The following KIRREL3 variants were observed in gnomAD, a reference collection of about 807,000 sequenced individuals.
The protein encoded by KIRREL3 is kin of IRRE-like protein 3.
Under a neutral mutation model 89.7 loss-of-function variants are expected in KIRREL3, and 36 were observed. The ratio of observed to expected loss-of-function variants is 0.40; its 90% confidence interval spans 0.31 to 0.53. The LOEUF (loss-of-function observed/expected upper bound fraction) is 0.53. Ranked by LOEUF, KIRREL3 falls within the 20% of genes least tolerant of loss-of-function variation. KIRREL3 has a pLI of 0.49. For missense variants in KIRREL3, 864 were observed against 1,056.6 expected, an observed-to-expected ratio of 0.82 and a Z score of 2.53; for synonymous variants, 445 against 441.4, an observed-to-expected ratio of 1.01 and a Z score of -0.10.
chr11:126,914,471 T>A (rs1056562356), intron 1 of KIRREL3, among the ~76,000 whole-genome samples: 2 of 152,204 alleles, frequency 1.3e-5, no homozygotes, highest in African/African-American at 4.8e-5. Context: ...CCATACAGAT[T>A]GTGAGGACAC....
rs1485189774 is a variant in KIRREL3, at chr11:126,999,928, A to G, written c.55+527T>C. ...TTTACAAGCTTTTCCCAACCACTGC[A>G]AATTACCCCCCACAATACATTCTGT... On this transcript the variant is annotated intron_variant, in intron 1 of 16. Coordinates refer to ENST00000525144, the MANE Select transcript of KIRREL3 (RefSeq NM_032531.4). The surrounding 1 kb of genome is among the most constrained non-coding windows in gnomAD (Gnocchi z 5.7). Among the ~76,000 whole-genome samples the G allele has an allele frequency of 6.6e-6, 1 of 152,196 alleles. No individual in the cohort carries two copies. The highest frequency in any genetic ancestry group is 2.4e-5 in the African/African-American group (1 of 41,444).
rs769491464 is a variant in KIRREL3 at position 126,562,679 on chromosome 11, T to C, written c.133+156A>G. Reference sequence around the variant, plus strand: ...GCATTCACTATGCTTCCCCATGTGATTGTACAAATGGCTTCATGGAAACCA... The same window carrying C: ...GCATTCACTATGCTTCCCCATGTGACTGTACAAATGGCTTCATGGAAACCA... On this transcript the variant is annotated intron_variant, in intron 2 of 16. Coordinates refer to ENST00000525144, the MANE Select transcript of KIRREL3 (RefSeq NM_032531.4). The surrounding 1 kb of genome is among the most constrained non-coding windows in gnomAD (Gnocchi z 4.7). Among the ~76,000 whole-genome samples the C allele has an allele frequency of 1.3e-5, 2 of 152,156 alleles. No homozygotes were observed. The highest frequency in any genetic ancestry group is 2.9e-5 in the Non-Finnish European group (2 of 68,024).
intron 1 of KIRREL3, among the ~76,000 whole-genome samples, chr11:126,939,261 A>G (rs1481040500): frequency 2.0e-5 from 3 of 152,220 alleles, no homozygotes; most frequent in African/African-American, 2.4e-5. Flanking sequence ...GGGCAACATC[A>G]TCTATCTCCA....
rs1944440538 is a variant in KIRREL3, at chr11:126,640,859, T to C, written c.56-77947A>G. On this transcript the variant is annotated intron_variant, in intron 1 of 16. Coordinates refer to ENST00000525144, the MANE Select transcript of KIRREL3 (RefSeq NM_032531.4). The surrounding 1 kb of genome is among the most constrained non-coding windows in gnomAD (Gnocchi z 4.9). Reference sequence around the variant, plus strand: ...CATCTCCTCCCCTTGACCTTCATATTGGAGTCCTTGGATCTCTTCTCAATC... The same window carrying C: ...CATCTCCTCCCCTTGACCTTCATATCGGAGTCCTTGGATCTCTTCTCAATC... Among the ~76,000 whole-genome samples the C allele has an allele frequency of 6.6e-6, 1 of 152,172 alleles. No individual in the cohort carries two copies. Among genetic ancestry groups the C allele is most frequent in the Admixed American group, 6.5e-5 (1 of 15,272 alleles).
intron 1 of KIRREL3, among the ~76,000 whole-genome samples, chr11:126,885,329 T>G (rs2134735669): frequency 6.6e-6 from 1 of 152,322 alleles, no homozygotes; most frequent in South Asian, 2.1e-4. Context: ...GTGTCCATGT[T>G]GGCTTCATGA....
chr11:126,714,864 G>C (rs2134155253), intron 1 of KIRREL3, among the ~76,000 whole-genome samples: 1 of 152,266 alleles, frequency 6.6e-6, no homozygotes, highest in South Asian at 2.1e-4. Flanking sequence ...CCTGAGGTGG[G>C]GGCTTATGTA....
intron 1 of KIRREL3, among the ~76,000 whole-genome samples, chr11:126,849,943 A>G (rs957258391): frequency 1.2e-5 from 1 of 84,570 alleles, no homozygotes; most frequent in Non-Finnish European, 2.4e-5. Flanking sequence ...GACAACTCCC[A>G]AAATGGTATG....
chr11:126,702,449 C>G (rs1947348803), intron 1 of KIRREL3, among the ~76,000 whole-genome samples: 1 of 152,170 alleles, frequency 6.6e-6, no homozygotes, highest in Admixed American at 6.5e-5. Context: ...ATTACTCAAA[C>G]CCCAGATGCT....
Position 126,995,498 on chromosome 11 carries a change from A to G in KIRREL3, c.55+4957T>C, listed in dbSNP as rs1408078915. On this transcript the variant is annotated intron_variant, in intron 1 of 16. Transcript: ENST00000525144. This position sits in a 1 kb window ranked among gnomAD's most constrained non-coding sequence, Gnocchi z 6.5. ...ATCTCGACAATTTACAAGGATAAGG[A>G]TTGTAGCTGCAAAATAATGCCTATG... The G allele has an allele frequency of 2.7e-6, 1 of 364,930 alleles. No individual in the cohort carries two copies. The highest frequency in any genetic ancestry group is 5.4e-6 in the Non-Finnish European group (1 of 186,096). 22.6% of individuals were successfully genotyped at this position (364,930 alleles called of 1,614,324 possible). A position where few individuals can be genotyped will look rare whatever the true frequency, so the allele number is the denominator to read the frequency against.
In KIRREL3 at chr11:126,768,906, G is replaced by A. The variant is rs1344132740; in HGVS notation, c.56-205994C>T. Among the ~76,000 whole-genome samples the A allele has an allele frequency of 1.3e-5, 2 of 152,208 alleles. No homozygotes were observed. The highest frequency in any genetic ancestry group is 2.9e-5 in the Non-Finnish European group (2 of 68,034). Reference sequence around the variant, plus strand: ...GAAGGCGATGTTGCTTCCCACATGCGTGGGAGCCGGTGAAGTGTTGTAAGC... The same window carrying A: ...GAAGGCGATGTTGCTTCCCACATGCATGGGAGCCGGTGAAGTGTTGTAAGC... On this transcript the variant is annotated intron_variant, in intron 1 of 16. Coordinates refer to ENST00000525144, the MANE Select transcript of KIRREL3 (RefSeq NM_032531.4). The surrounding 1 kb of genome is among the most constrained non-coding windows in gnomAD (Gnocchi z 4.5).
intron 1 of KIRREL3, among the ~76,000 whole-genome samples, chr11:126,745,605 G>A (rs563262263): frequency 6.6e-6 from 1 of 152,232 alleles, no homozygotes; most frequent in South Asian, 2.1e-4. Context: ...TAAATTTGAA[G>A]ATACTGGCAT....
intron 1 of KIRREL3, chr11:126,681,776 G>A: frequency 2.5e-6 from 1 of 401,862 alleles, no homozygotes; most frequent in South Asian, 1.8e-5. Flanking sequence ...ATTCTCTTCT[G>A]TTTCAGGGTT....
chr11:126,507,474 T>G (rs948281808), intron 4 of KIRREL3, among the ~76,000 whole-genome samples: 1 of 152,188 alleles, frequency 6.6e-6, no homozygotes, highest in African/African-American at 2.4e-5. Context: ...TCTGCTCTAC[T>G]TTTTTTGAAT....
rs1452582786 is a variant in KIRREL3 at position 126,513,808 on chromosome 11, C to A, written c.433+7507G>T. ...AATGGCTGCAAGACCTCCAGGGAGA[C>A]CTTCTATCTCATCTGGCCCCCAACA... On this transcript the variant is annotated intron_variant, in intron 4 of 16. Transcript: ENST00000525144. The surrounding 1 kb of genome is among the most constrained non-coding windows in gnomAD (Gnocchi z 5.9). Among the ~76,000 whole-genome samples the A allele has an allele frequency of 1.3e-5, 2 of 152,156 alleles. No homozygotes were observed. Among genetic ancestry groups the A allele is most frequent in the African/African-American group, 2.4e-5 (1 of 41,432 alleles).
At chr11:126,786,066 A>G (rs929707609) in intron 1 of KIRREL3, among the ~76,000 whole-genome samples, 4 of 152,138 alleles carry the variant, frequency 2.6e-5, no homozygotes, top group African/African-American at 9.7e-5. Flanking sequence ...CTGTGAGGGT[A>G]ATAGCAAAAA....
intron 1 of KIRREL3, among the ~76,000 whole-genome samples, chr11:126,914,167 A>T (rs541746912): frequency 6.6e-6 from 1 of 152,344 alleles, no homozygotes; most frequent in Non-Finnish European, 1.5e-5. Context: ...AATGTCTCGG[A>T]TAGGTGCTAT....
chr11:126,845,960 A>C (rs1478010173), intron 1 of KIRREL3, among the ~76,000 whole-genome samples: 2 of 152,182 alleles, frequency 1.3e-5, no homozygotes, highest in Admixed American at 6.5e-5. Flanking sequence ...ACACAAAAAA[A>C]ACACAAAAAA....
Position 126,463,423 on chromosome 11 carries a change from G to T in KIRREL3, c.592-116C>A. 1 of 1,094,054 alleles carries T rather than the reference G, an allele frequency of 9.1e-7. No individual in the cohort carries two copies. Among genetic ancestry groups the T allele is most frequent in the Non-Finnish European group, 1.3e-6 (1 of 767,670 alleles). The allele number at this position is 1,094,054 out of a possible 1,614,324, so 67.8% of individuals were successfully genotyped here. A position where few individuals can be genotyped will look rare whatever the true frequency, so the allele number is the denominator to read the frequency against. ...CAGAAGGGGGAGCTGTGGATGGAGGGGTTCAGCTTAGGAGACCTGGGCTGC... is the reference window on the plus strand; with the variant it reads ...CAGAAGGGGGAGCTGTGGATGGAGGTGTTCAGCTTAGGAGACCTGGGCTGC... On this transcript the variant is annotated intron_variant, in intron 5 of 16. Transcript: ENST00000525144. This position sits in a 1 kb window ranked among gnomAD's most constrained non-coding sequence, Gnocchi z 5.9.
intron 8 of KIRREL3, among the ~76,000 whole-genome samples, chr11:126,448,471 A>G (rs993182499): frequency 1.3e-5 from 2 of 151,994 alleles, no homozygotes; most frequent in African/African-American, 2.4e-5. Flanking sequence ...ATAAATATCT[A>G]CCCATGATGG....
Sources: gnomAD v4.1 joint callset for allele counts (sites outside exome capture counted in the v4.1 genomes callset) on GRCh38, gnomAD v4.1.1 for gene constraint, Gnocchi (gnomAD v3.1) non-coding constraint, MANE v1.5 for transcripts, NCBI Gene and HGNC (gene_info 2026-07-23, HGNC 2026-07-21) for gene names.